The following PCDH9 variants were observed in gnomAD, a reference collection of about 807,000 sequenced individuals.
The protein encoded by PCDH9 is protocadherin-9.
A neutral mutation model predicts 70.6 loss-of-function variants in PCDH9; 24 were observed. The observed-to-expected ratio is 0.34, with a 90% CI of 0.25 to 0.48. PCDH9 has a LOEUF of 0.48. PCDH9 is among the 20% of genes least tolerant of loss of function. PCDH9 has a pLI of 0.99. For synonymous variants in PCDH9, 562 were observed against 558.5 expected, an observed-to-expected ratio of 1.01 and a Z score of -0.09; for missense variants, 1,281 against 1,503.6, an observed-to-expected ratio of 0.85 and a Z score of 2.45.
intron 2 of PCDH9, chr13:67,225,195 G>C (rs2089825060): frequency 7.4e-7 from 1 of 1,357,192 alleles, no homozygotes; most frequent in African/African-American, 1.5e-5. Flanking sequence ...AAACTGAAAG[G>C]AGAAAATATT....
intron 3 of PCDH9, among the ~76,000 whole-genome samples, chr13:66,694,034 G>A (rs1162536841): frequency 6.6e-6 from 1 of 152,184 alleles, no homozygotes; most frequent in Admixed American, 6.5e-5. Context: ...TACTCCCATA[G>A]GGATATCCCA....
chr13:67,085,584 G>A (rs961882855), intron 2 of PCDH9, among the ~76,000 whole-genome samples: 1 of 152,142 alleles, frequency 6.6e-6, no homozygotes, highest in Admixed American at 6.6e-5. Context: ...TACTTTGATT[G>A]GAATAACTGG....
intron 4 of PCDH9, among the ~76,000 whole-genome samples, chr13:66,372,826 G>C (rs1019928119): frequency 6.6e-6 from 1 of 151,856 alleles, no homozygotes; most frequent in Non-Finnish European, 1.5e-5. Flanking sequence ...AGAGAACAGA[G>C]AATATTAGAT....
intron 2 of PCDH9, among the ~76,000 whole-genome samples, chr13:67,131,175 G>T (rs1056252929): frequency 6.6e-6 from 1 of 152,052 alleles, no homozygotes; most frequent in Non-Finnish European, 1.5e-5. Context: ...TATTTTCTAA[G>T]TAAATAGAAA....
chr13:67,099,961 C>A (rs1274297628), intron 2 of PCDH9, among the ~76,000 whole-genome samples: 1 of 152,090 alleles, frequency 6.6e-6, no homozygotes, highest in Non-Finnish European at 1.5e-5. Flanking sequence ...ATCTATTATG[C>A]ATCTCTGGGA....
chr13:66,930,061 G>A (rs2082781994), intron 2 of PCDH9, among the ~76,000 whole-genome samples: 1 of 152,132 alleles, frequency 6.6e-6, no homozygotes, highest in East Asian at 1.9e-4. Flanking sequence ...ATAAAATGGA[G>A]ATGTGGTCTT....
intron 3 of PCDH9, among the ~76,000 whole-genome samples, chr13:66,704,575 A>G (rs916491554): frequency 3.0e-4 from 45 of 152,248 alleles, no homozygotes; most frequent in African/African-American, 1.0e-3. Flanking sequence ...TGAAGAAGAG[A>G]GGAGAGGAAG....
chr13:67,092,671 T>C (rs78180397), intron 2 of PCDH9, among the ~76,000 whole-genome samples: 193 of 152,338 alleles, frequency 1.3e-3, no homozygotes, highest in African/African-American at 4.5e-3. Context: ...AGTTGTCATC[T>C]CAAAGGTACT....
At chr13:67,113,636 C>T (rs905455685) in intron 2 of PCDH9, among the ~76,000 whole-genome samples, 2 of 151,994 alleles carry the variant, frequency 1.3e-5, no homozygotes, top group African/African-American at 4.8e-5. Context: ...CAAGCTCCGC[C>T]TCCCGGGTTC....
chr13:66,904,716 A>ATTTTAATATAT (rs1453099132), intron 2 of PCDH9, among the ~76,000 whole-genome samples: 5 of 151,948 alleles, frequency 3.3e-5, no homozygotes, highest in African/African-American at 4.8e-5. Context: ...TTAAAAGCAA[A>ATTTTAATATAT]TGTGTTTTAG....
intron 2 of PCDH9, among the ~76,000 whole-genome samples, chr13:66,976,227 GTTAT>G (rs1200685014): frequency 6.6e-6 from 1 of 151,954 alleles, no homozygotes; most frequent in Non-Finnish European, 1.5e-5. Context: ...GTTGCATGCA[GTTAT>G]TTATTTATTT....
chr13:66,733,227 C>T (rs557970137), intron 3 of PCDH9, among the ~76,000 whole-genome samples: 1 of 152,152 alleles, frequency 6.6e-6, no homozygotes, highest in Admixed American at 6.5e-5. Flanking sequence ...AATTATCCTC[C>T]AGGATATTTC....
At chr13:66,346,106 C>T (rs551559500) in intron 4 of PCDH9, among the ~76,000 whole-genome samples, 8 of 152,242 alleles carry the variant, frequency 5.3e-5, no homozygotes, top group East Asian at 1.9e-4. Flanking sequence ...GATTTGCTCA[C>T]GACCCAAATT....
At chr13:67,037,352 T>C (rs537162470) in intron 2 of PCDH9, among the ~76,000 whole-genome samples, 1 of 152,324 alleles carries the variant, frequency 6.6e-6, no homozygotes, top group East Asian at 1.9e-4. Flanking sequence ...CCCTCAGAGC[T>C]GAGCCTGGGG....
chr13:66,482,623 A>G (rs1000969015), intron 4 of PCDH9, among the ~76,000 whole-genome samples: 2 of 152,222 alleles, frequency 1.3e-5, no homozygotes, highest in Non-Finnish European at 2.9e-5. Flanking sequence ...AAGGAGGCAC[A>G]TCCTGGGAGA....
intron 4 of PCDH9, among the ~76,000 whole-genome samples, chr13:66,531,366 G>A (rs1189042914): frequency 1.3e-5 from 2 of 152,042 alleles, no homozygotes; most frequent in East Asian, 3.9e-4. Context: ...GATTGCCATG[G>A]TGTACTTATT....
At chr13:67,172,903 T>TA (rs1845896572) in intron 2 of PCDH9, among the ~76,000 whole-genome samples, 2 of 142,766 alleles carry the variant, frequency 1.4e-5, no homozygotes, top group South Asian at 4.4e-4. Flanking sequence ...AAAAGGATGG[T>TA]ATTGGCAGTT....
intron 4 of PCDH9, among the ~76,000 whole-genome samples, chr13:66,408,183 C>T (rs995214629): frequency 1.3e-5 from 2 of 151,798 alleles, no homozygotes; most frequent in African/African-American, 4.8e-5. Context: ...CTCAGCCTCC[C>T]GAGTAGCTGG....
intron 4 of PCDH9, among the ~76,000 whole-genome samples, chr13:66,497,213 C>T (rs567758091): frequency 6.6e-6 from 1 of 152,016 alleles, no homozygotes; most frequent in South Asian, 2.1e-4. Context: ...TGACCACAAG[C>T]ATGTGTCACC....
Sources: gnomAD v4.1 joint callset for allele counts (sites outside exome capture counted in the v4.1 genomes callset) on GRCh38, gnomAD v4.1.1 for gene constraint, MANE v1.5 for transcripts, NCBI Gene and HGNC (gene_info 2026-07-23, HGNC 2026-07-21) for gene names.